The following PPFIBP1 variants were observed in gnomAD, a reference collection of about 807,000 sequenced individuals.
PPFIBP1 encodes PPFIB scaffold protein 1.
A neutral mutation model predicts 137.8 loss-of-function variants in PPFIBP1; 112 were observed. That is an observed-to-expected ratio of 0.81 (90% CI 0.70 to 0.95). PPFIBP1 has a LOEUF of 0.95. PPFIBP1 is among the 40% of genes least tolerant of loss of function. The pLI, the probability that PPFIBP1 is intolerant of heterozygous loss-of-function variation, is 0.00. For missense variants in PPFIBP1, 1,083 were observed against 1,196.6 expected (o/e 0.91, Z 1.40); for synonymous variants, 378 against 417.3 (o/e 0.91, Z 1.15).
chr12:27,610,405 T>C (rs1031981716), intron 2 of PPFIBP1, among the ~76,000 whole-genome samples: 1 of 152,166 alleles, frequency 6.6e-6, no homozygotes, highest in African/African-American at 2.4e-5. Context: ...CCAAGTGTGA[T>C]TTACAACCCA....
chr12:27,590,805 A>G (rs1367143424), intron 2 of PPFIBP1, among the ~76,000 whole-genome samples: 2 of 152,172 alleles, frequency 1.3e-5, no homozygotes, highest in African/African-American at 4.8e-5. Flanking sequence ...ATGAGTATAG[A>G]TTTTAAAAAA....
intron 12 of PPFIBP1, among the ~76,000 whole-genome samples, chr12:27,666,383 A>G (rs2059857295): frequency 6.6e-6 from 1 of 152,248 alleles, no homozygotes; most frequent in African/African-American, 2.4e-5. Context: ...TAGAATTAGA[A>G]TAACATTCTA....
intron 1 of PPFIBP1, among the ~76,000 whole-genome samples, chr12:27,555,887 A>G (rs1302690158): frequency 6.6e-6 from 1 of 152,234 alleles, no homozygotes; most frequent in Admixed American, 6.5e-5. Context: ...TTATGATTGA[A>G]AGAGACTTTG....
intron 1 of PPFIBP1, among the ~76,000 whole-genome samples, chr12:27,525,513 G>GAA (rs56656340): frequency 1.5e-3 from 145 of 93,740 alleles, no homozygotes; most frequent in South Asian, 7.4e-3. Context: ...GAGCAGGAAG[G>GAA]AAAAAAAAAA....
intron 2 of PPFIBP1, among the ~76,000 whole-genome samples, chr12:27,610,886 CTT>C (rs779489560): frequency 1.4e-5 from 2 of 144,656 alleles, no homozygotes. Context: ...AGTTATTTTT[CTT>C]TTTTTTTTTG....
chr12:27,592,349 A>G (rs954655292), intron 2 of PPFIBP1: 19 of 559,824 alleles, frequency 3.4e-5, no homozygotes, highest in Middle Eastern at 8.5e-4. Flanking sequence ...GACATGGGTA[A>G]CAAGAACGTT....
At chr12:27,532,399 A>G (rs1046387105) in intron 1 of PPFIBP1, among the ~76,000 whole-genome samples, 3 of 152,136 alleles carry the variant, frequency 2.0e-5, no homozygotes, top group African/African-American at 7.2e-5. Context: ...TACATTTGTC[A>G]GTGCATGAAA....
chr12:27,682,195 A>G (rs1268476570), intron 22 of PPFIBP1, among the ~76,000 whole-genome samples, 192 bp from the exon 23 acceptor site: 1 of 152,162 alleles, frequency 6.6e-6, no homozygotes, highest in Non-Finnish European at 1.5e-5. Flanking sequence ...ACACACCCCT[A>G]AGATAATTGT....
chr12:27,681,726 T>C, intron 22 of PPFIBP1, 30 bp downstream of exon 22: 2 of 1,611,252 alleles, frequency 1.2e-6, no homozygotes, highest in Non-Finnish European at 1.7e-6. Context: ...GTTCACACAA[T>C]GGATACTGAG....
In PPFIBP1 at chr12:27,694,726, T is replaced by C. The variant is rs893543523; in HGVS notation, c.*1844T>C. The C allele has an allele frequency of 2.0e-5, 3 of 152,198 alleles. No homozygotes were observed. Among genetic ancestry groups the C allele is most frequent in the African/African-American group, 7.2e-5 (3 of 41,456 alleles). 9.4% of individuals were successfully genotyped at this position (152,198 alleles called of 1,614,324 possible). On this transcript the variant is annotated 3_prime_UTR_variant, in exon 30 of 30. Coordinates refer to ENST00000228425, the MANE Select transcript of PPFIBP1 (RefSeq NM_003622.4). Reference sequence around the variant, plus strand: ...TATTTGTAGAAGTATTAGAAAAATATTCTATTTTTTATTCAGTGCTGCGTA... The same window carrying C: ...TATTTGTAGAAGTATTAGAAAAATACTCTATTTTTTATTCAGTGCTGCGTA...
chr12:27,551,641 C>T (rs1054550556), intron 1 of PPFIBP1, among the ~76,000 whole-genome samples: 10 of 152,186 alleles, frequency 6.6e-5, no homozygotes, highest in Non-Finnish European at 1.0e-4. Context: ...TTTTAGGCTA[C>T]GGCGTGTAGT....
intron 2 of PPFIBP1, among the ~76,000 whole-genome samples, chr12:27,604,053 C>T (rs563012046): frequency 6.6e-6 from 1 of 152,202 alleles, no homozygotes; most frequent in South Asian, 2.1e-4. Context: ...ATGTGAAGAC[C>T]TTTGTTCTAG....
At chr12:27,583,204 C>T (rs1490459906) in intron 2 of PPFIBP1, among the ~76,000 whole-genome samples, 3 of 152,172 alleles carry the variant, frequency 2.0e-5, no homozygotes, top group African/African-American at 4.8e-5. Flanking sequence ...AACAAATCTG[C>T]ACTTGGATGA....
chr12:27,580,834 C>T (rs1354319575), intron 2 of PPFIBP1, among the ~76,000 whole-genome samples: 1 of 152,006 alleles, frequency 6.6e-6, no homozygotes, highest in Non-Finnish European at 1.5e-5. Context: ...CAAAAAGAGA[C>T]CAGTGGAGCT....
chr12:27,646,383 CG>C, intron 5 of PPFIBP1: 6 of 530,784 alleles, frequency 1.1e-5, no homozygotes, highest in South Asian at 8.0e-5. Flanking sequence ...AGTCTGAATA[CG>C]GGCACAATGT....
intron 1 of PPFIBP1, among the ~76,000 whole-genome samples, chr12:27,569,202 C>T (rs1188614000): frequency 6.6e-6 from 1 of 152,196 alleles, no homozygotes; most frequent in Non-Finnish European, 1.5e-5. Context: ...AAGCCTTCTG[C>T]AGTGGGCTCT....
chr12:27,656,422 T>A (rs920882730), intron 8 of PPFIBP1, among the ~76,000 whole-genome samples, 194 bp from the exon 9 acceptor site: 4 of 152,246 alleles, frequency 2.6e-5, no homozygotes, highest in African/African-American at 9.6e-5. Context: ...ATAACTATTA[T>A]AAACAGGACT....
At chr12:27,598,529 C>T (rs999477371) in intron 2 of PPFIBP1, among the ~76,000 whole-genome samples, 1 of 150,940 alleles carries the variant, frequency 6.6e-6, no homozygotes, top group African/African-American at 2.5e-5. Context: ...CTGATATATT[C>T]TCTATAATCT....
intron 11 of PPFIBP1, among the ~76,000 whole-genome samples, 170 bp downstream of exon 11, chr12:27,661,115 G>A (rs570398263): frequency 6.6e-6 from 1 of 152,336 alleles, no homozygotes; most frequent in African/African-American, 2.4e-5. Context: ...GGAATAGGGA[G>A]GAGCTGCACT....
Sources: allele counts gnomAD v4.1 joint callset (sites outside exome capture counted in the v4.1 genomes callset), GRCh38; gene constraint gnomAD v4.1.1; transcripts MANE v1.5; gene names NCBI Gene and HGNC (gene_info 2026-07-23, HGNC 2026-07-21).